MTUS1: variants seen among roughly 807,000 people sequenced by gnomAD.
MTUS1 encodes microtubule associated scaffold protein 1.
Under a neutral mutation model 120.8 loss-of-function variants are expected in MTUS1, and 109 were observed. That is an observed-to-expected ratio of 0.90 (90% confidence interval 0.77 to 1.06). The LOEUF is 1.06. MTUS1 is among the 50% of genes least tolerant of loss of function. MTUS1 has a pLI of 0.00. For missense variants in MTUS1, 2,210 were observed against 1,486.3 expected, an observed-to-expected ratio of 1.49 and a Z score of -8.01; for synonymous variants, 737 against 550.5, an observed-to-expected ratio of 1.34 and a Z score of -4.74.
At chr8:17,692,607 A>T (rs528171421) in intron 6 of MTUS1, among the ~76,000 whole-genome samples, 2 of 152,214 alleles carry the variant, frequency 1.3e-5, no homozygotes, top group East Asian at 3.9e-4. Context: ...GTTACTGAAC[A>T]CTTCTTTAAA....
At chr8:17,663,925 G>A (rs1031098932) in intron 8 of MTUS1, 2 of 152,218 alleles carry the variant, frequency 1.3e-5, no homozygotes, top group African/African-American at 4.8e-5. Flanking sequence ...TTTTAAAGTG[G>A]AGATATTATT....
chr8:17,794,284 C>T (rs554061429), intron 1 of MTUS1, among the ~76,000 whole-genome samples: 43 of 151,976 alleles, frequency 2.8e-4, no homozygotes, highest in African/African-American at 9.7e-4. Context: ...GCCAAGATCA[C>T]GCCACTGCAC....
rs1201186172 is a variant in MTUS1 at position 17,755,350 on chromosome 8, T to C, written c.458A>G (p.Asp153Gly). The C allele has an allele frequency of 1.2e-6, 2 of 1,614,190 alleles. No homozygotes were observed. Among genetic ancestry groups the C allele is most frequent in the Non-Finnish European group, 1.7e-6 (2 of 1,180,018 alleles). Residue 153 changes from aspartate to glycine, a missense_variant, in exon 2 of 15, where the codon GAT (aspartate) becomes GGT (glycine). By Grantham distance (94) the Asp-to-Gly change is moderately conservative (BLOSUM62 -1). Transcript: ENST00000693296. ...AAATGTTTGGTTTAGCTCCAAGGCA[T>C]CACAGTAGCCTGCACAGTTCAAATT... is the stretch of plus-strand genomic sequence containing the variant. ...NDNLNCAGYCDALELNQTFDM... is the reference protein window; with the variant it reads ...NDNLNCAGYCGALELNQTFDM...
intron 3 of MTUS1, among the ~76,000 whole-genome samples, chr8:17,728,899 T>G (rs1220719288): frequency 6.6e-6 from 1 of 152,158 alleles, no homozygotes; most frequent in Non-Finnish European, 1.5e-5. Flanking sequence ...GAAGCTAGTG[T>G]ACCAGCACCT....
chr8:17,644,375 GTTATT>G lies in MTUS1; in HGVS notation c.*1546_*1550del, dbSNP rs1211350944. The G allele has an allele frequency of 1.3e-5, 2 of 152,588 alleles. No individual in the cohort carries two copies. The highest frequency in any genetic ancestry group is 6.5e-5 in the Admixed American group (1 of 15,286). The allele number at this position is 152,588 out of a possible 1,614,324, so 9.5% of individuals were successfully genotyped here. A position where few individuals can be genotyped will look rare whatever the true frequency, so the allele number is the denominator to read the frequency against. On this transcript the variant is annotated 3_prime_UTR_variant, in exon 15 of 15. Transcript: ENST00000693296. ...TCCTGAATCTCTTCTTACTACAGCT[GTTATT>G]TGTACAGCCACTGAATGTAGATTAG...
intron 9 of MTUS1, among the ~76,000 whole-genome samples, chr8:17,655,266 G>A (rs1368414634): frequency 6.9e-6 from 1 of 144,394 alleles, no homozygotes; most frequent in African/African-American, 2.5e-5. Flanking sequence ...AAAAAAATGG[G>A]ATATTTAAAC....
At chr8:17,779,786 G>T (rs1042234209) in intron 1 of MTUS1, among the ~76,000 whole-genome samples, 1 of 152,092 alleles carries the variant, frequency 6.6e-6, no homozygotes. Flanking sequence ...AAGTGTTGGA[G>T]GGGGGGCGGG....
In MTUS1 at chr8:17,754,440, C is replaced by T; in HGVS notation, c.1368G>A (p.Lys456=). ...GTATGTTTTTAAGCCCTCGATTACCCTTCTCCACTTTCTTACATTTCTCCG... is the reference window on the plus strand; with the variant it reads ...GTATGTTTTTAAGCCCTCGATTACCTTTCTCCACTTTCTTACATTTCTCCG... ...EATEKCKKVE[K]GNRGLKNIPD... The change falls in exon 2 of 15, where the codon AAG becomes AAA. Residue 456 remains lysine, a synonymous_variant. Coordinates refer to ENST00000693296, the MANE Select transcript of MTUS1 (RefSeq NM_001363059.2). The T allele has an allele frequency of 1.2e-6, 2 of 1,614,202 alleles. No individual in the cohort carries two copies. Among genetic ancestry groups the T allele is most frequent in the Non-Finnish European group, 8.5e-7 (1 of 1,180,030 alleles).
intron 6 of MTUS1, among the ~76,000 whole-genome samples, chr8:17,694,054 G>C (rs1817482830): frequency 6.6e-6 from 1 of 152,210 alleles, no homozygotes; most frequent in Non-Finnish European, 1.5e-5. Flanking sequence ...TTATACAAAA[G>C]TGTTCATATT....
chr8:17,682,279 G>A (rs1213114205), intron 7 of MTUS1, among the ~76,000 whole-genome samples: 1 of 152,154 alleles, frequency 6.6e-6, no homozygotes, highest in Non-Finnish European at 1.5e-5. Flanking sequence ...ACTTTGGGAG[G>A]CCGAGGTGAG....
chr8:17,672,284 G>A (rs541768048), intron 8 of MTUS1, among the ~76,000 whole-genome samples: 1 of 152,272 alleles, frequency 6.6e-6, no homozygotes, highest in Non-Finnish European at 1.5e-5. Context: ...AACACTTGGT[G>A]CTAGATGCTT....
In MTUS1 at chr8:17,754,355, T is replaced by C. The variant is rs1465363868; in HGVS notation, c.1453A>G (p.Lys485Glu). 32 of 1,614,062 alleles carry C rather than the reference T, an allele frequency of 2.0e-5. No homozygotes were observed. Among genetic ancestry groups the C allele is most frequent in the Non-Finnish European group, 2.6e-5 (31 of 1,180,048 alleles). Reference sequence around the variant, plus strand: ...TTGCAGCCTATTGGGGTATTCGTTTTGATTGTTGATTTTCCTAAACTGGGT... The same window carrying C: ...TTGCAGCCTATTGGGGTATTCGTTTCGATTGTTGATTTTCCTAAACTGGGT... ...CKPSLGKSTI[K>E]TNTPIGCKVR... The change falls in exon 2 of 15, where the codon AAA becomes GAA. Residue 485 changes from lysine to glutamate, a missense_variant. Coordinates refer to ENST00000693296, the MANE Select transcript of MTUS1 (RefSeq NM_001363059.2).
At chr8:17,646,789 G>A (rs1341133075) in intron 14 of MTUS1, among the ~76,000 whole-genome samples, 193 bp downstream of exon 14, 1 of 152,182 alleles carries the variant, frequency 6.6e-6, no homozygotes, top group African/African-American at 2.4e-5. Context: ...GGGTCTCAGT[G>A]TACAGTTTTC....
intron 2 of MTUS1, among the ~76,000 whole-genome samples, chr8:17,750,931 C>G (rs1017607965): frequency 3.9e-5 from 6 of 152,222 alleles, no homozygotes; most frequent in Non-Finnish European, 8.8e-5. Flanking sequence ...CAGATACACC[C>G]TGACCACCAA....
chr8:17,684,702 T>G (rs1585676630), intron 6 of MTUS1, among the ~76,000 whole-genome samples, 160 bp from the exon 7 acceptor site: 1 of 152,340 alleles, frequency 6.6e-6, no homozygotes, highest in South Asian at 2.1e-4. Flanking sequence ...ATCGGAGATC[T>G]AGACGGTTGG....
At chr8:17,723,964 T>C in intron 3 of MTUS1, 131 bp from the exon 4 acceptor site, 1 of 703,670 alleles carries the variant, frequency 1.4e-6, no homozygotes, top group Non-Finnish European at 2.4e-6. Flanking sequence ...CACAATCATG[T>C]AACTTCAGAT....
In MTUS1 at chr8:17,754,559, C is replaced by T; in HGVS notation, c.1249G>A (p.Asp417Asn). The T allele has an allele frequency of 6.2e-7, 1 of 1,614,192 alleles. No individual in the cohort carries two copies. Among genetic ancestry groups the T allele is most frequent in the Non-Finnish European group, 8.5e-7 (1 of 1,180,036 alleles). ...GTTTTGTCTGTGCTAATGACCATAT[C>T]ATTTGCATCCCAAGTCAGTCCAAAT... The part of the protein sequence containing the change: ...SSFGLTWDAN[D>N]MVISTDKTMC... The change falls in exon 2 of 15, where the codon GAT becomes AAT. Residue 417 changes from aspartate to asparagine, a missense_variant. Coordinates refer to ENST00000693296, the MANE Select transcript of MTUS1 (RefSeq NM_001363059.2).
At chr8:17,674,593 G>T in intron 8 of MTUS1, 2 of 985,760 alleles carry the variant, frequency 2.0e-6, no homozygotes, top group Non-Finnish European at 2.4e-6. Flanking sequence ...TGCAGGGCTG[G>T]GTGGTGGGTG....
intron 2 of MTUS1, among the ~76,000 whole-genome samples, chr8:17,746,695 G>A (rs941126698): frequency 1.3e-5 from 2 of 151,882 alleles, no homozygotes; most frequent in Non-Finnish European, 2.9e-5. Flanking sequence ...ATTTGGGTGG[G>A]GACACAGCCA....
Sources: gnomAD v4.1 joint callset for allele counts (sites outside exome capture counted in the v4.1 genomes callset) on GRCh38, gnomAD v4.1.1 for gene constraint, MANE v1.5 for transcripts, NCBI Gene and HGNC (gene_info 2026-07-23, HGNC 2026-07-21) for gene names.